Variants in ERI3 observed in about 807,000 individuals in gnomAD.
ERI3 encodes the protein ERI1 exoribonuclease family member 3, also known as ERI1 exoribonuclease 3.
ERI3 carries 18 observed loss-of-function variants against 44.4 expected under a neutral mutation model. The observed-to-expected ratio is 0.41, with a 90% confidence interval of 0.28 to 0.60. ERI3 has a LOEUF of 0.60. Among genes scored for constraint, ERI3 ranks in the 20% least tolerant of loss-of-function variants. The pLI, the probability that ERI3 is intolerant of heterozygous loss-of-function variation, is 0.36. For missense variants in ERI3, 294 were observed against 435.5 expected (o/e 0.68, Z 2.89); for synonymous variants, 183 against 164.8 (o/e 1.11, Z -0.84).
chr1:44,317,813 A>G (rs1463268818), intron 4 of ERI3, among the ~76,000 whole-genome samples: 8 of 152,142 alleles, frequency 5.3e-5, no homozygotes, highest in Admixed American at 3.9e-4. Context: ...GAAAAGACAG[A>G]CTGTAAGAGG....
rs1051689616 is a variant in ERI3 at position 44,228,369 on chromosome 1, G to A, written c.932-6729C>T. The stretch of plus-strand genomic sequence containing the variant: ...GGCGATTTCTCTCACCGTAATAAGC[G>A]CGCTCCAAATAATTAGCGTGTTTTA... On this transcript the variant is annotated intron_variant, in intron 8 of 8. Transcript: ENST00000372257. This position sits in a 1 kb window ranked among gnomAD's most constrained non-coding sequence, Gnocchi z 4.3. Among the ~76,000 whole-genome samples, 78 of 152,194 alleles carry A rather than the reference G, an allele frequency of 5.1e-4. No individual in the cohort carries two copies. The highest frequency in any genetic ancestry group is 3.2e-3 in the Middle Eastern group (1 of 316).
intron 1 of ERI3, chr1:44,353,127 T>G (rs1419804942): frequency 1.0e-6 from 1 of 985,326 alleles, no homozygotes; most frequent in African/African-American, 1.7e-5. Flanking sequence ...TCATATACTT[T>G]TGCTCCTAAG....
intron 8 of ERI3, among the ~76,000 whole-genome samples, chr1:44,227,523 C>T (rs1291340145): frequency 6.6e-6 from 1 of 152,100 alleles, no homozygotes; most frequent in Non-Finnish European, 1.5e-5. Context: ...TTAAATGCAG[C>T]CCCACCAGCT....
chr1:44,307,106 T>C (rs1295161248), intron 6 of ERI3, among the ~76,000 whole-genome samples: 1 of 152,190 alleles, frequency 6.6e-6, no homozygotes, highest in Non-Finnish European at 1.5e-5. Context: ...GGAGACCCTC[T>C]GGAGTAAACC....
chr1:44,354,811 A>G, intron 1 of ERI3, 81 bp downstream of exon 1: 4 of 1,304,450 alleles, frequency 3.1e-6, no homozygotes, highest in Non-Finnish European at 3.9e-6. Context: ...CCCAGGTTGC[A>G]TAAATTCTGC....
At chr1:44,352,571 G>C (rs1182401919) in intron 2 of ERI3, among the ~76,000 whole-genome samples, 7 of 152,304 alleles carry the variant, frequency 4.6e-5, no homozygotes, top group South Asian at 4.1e-4. Flanking sequence ...ACCTAAAGTA[G>C]GTGCTCATGA....
chr1:44,272,663 G>A (rs556168772), intron 7 of ERI3, among the ~76,000 whole-genome samples: 51 of 151,946 alleles, frequency 3.4e-4, no homozygotes, highest in African/African-American at 1.2e-3. Flanking sequence ...CCAACATGAC[G>A]AGACCCCATC....
intron 6 of ERI3, among the ~76,000 whole-genome samples, chr1:44,306,846 C>A (rs1036235260): frequency 6.6e-6 from 1 of 152,172 alleles, no homozygotes; most frequent in African/African-American, 2.4e-5. Flanking sequence ...TCCTCCTGGG[C>A]CATATGAACC....
chr1:44,340,287 TAAAAAGA>T (rs1646627266), intron 2 of ERI3, among the ~76,000 whole-genome samples: 1 of 152,122 alleles, frequency 6.6e-6, no homozygotes, highest in Non-Finnish European at 1.5e-5. Context: ...CAAACTTCCT[TAAAAAGA>T]AAAAAGGAAC....
chr1:44,249,053 T>A (rs1431517833), intron 7 of ERI3, among the ~76,000 whole-genome samples: 1 of 152,126 alleles, frequency 6.6e-6, no homozygotes, highest in Non-Finnish European at 1.5e-5. Flanking sequence ...ATAGGTTAGA[T>A]CACTATGAAG....
At position 44,318,401 on chromosome 1, in the gene ERI3, A is replaced by G. The variant is rs372244712; in HGVS notation, c.606+1227T>C. Among the ~76,000 whole-genome samples the G allele has an allele frequency of 1.8e-4, 27 of 152,316 alleles. 1 individual carries two copies. In the East Asian group the frequency reaches 3.3e-3, roughly 18 times the overall value. ...TCATCATTAAAATGGTGATTTTTCA[A>G]AAAGGGCAGAAAAGTCAGATTAGCG... On this transcript the variant is annotated intron_variant, in intron 4 of 8. Transcript: ENST00000372257.
At chr1:44,313,807 A>G (rs1248635091) in intron 4 of ERI3, among the ~76,000 whole-genome samples, 1 of 152,146 alleles carries the variant, frequency 6.6e-6, no homozygotes, top group Non-Finnish European at 1.5e-5. Context: ...TGGGCCATCA[A>G]TATGAACTAG....
intron 7 of ERI3, among the ~76,000 whole-genome samples, chr1:44,273,721 C>G (rs1377264675): frequency 6.6e-6 from 1 of 152,186 alleles, no homozygotes; most frequent in Non-Finnish European, 1.5e-5. Context: ...GAGGAAGTGA[C>G]TATTTCTACC....
chr1:44,296,917 C>G (rs1645623119), intron 6 of ERI3, among the ~76,000 whole-genome samples: 1 of 152,138 alleles, frequency 6.6e-6, no homozygotes, highest in South Asian at 2.1e-4. Flanking sequence ...GTGCCTCAGC[C>G]CCCACATGCA....
rs983807823 is a variant in ERI3, at chr1:44,235,059, G to GT, written c.931+12879dup. 6.6e-6 allele frequency among the ~76,000 whole-genome samples: 1 copy of GT among 152,200 alleles called. No homozygotes were observed. Among genetic ancestry groups the GT allele is most frequent in the African/African-American group, 2.4e-5 (1 of 41,448 alleles). The stretch of plus-strand genomic sequence containing the variant: ...ATGTAAAATTAATTCAAAGTAAAAA[G>GT]TTTAAGAGTCAAAAATTAAAACCAC... On this transcript the variant is annotated intron_variant, in intron 8 of 8. Transcript: ENST00000372257. This position sits in a 1 kb window ranked among gnomAD's most constrained non-coding sequence, Gnocchi z 4.6.
At chr1:44,324,985 G>A (rs1298828087) in intron 3 of ERI3, among the ~76,000 whole-genome samples, 2 of 151,842 alleles carry the variant, frequency 1.3e-5, no homozygotes, top group Non-Finnish European at 2.9e-5. Flanking sequence ...ATCTTTTGTT[G>A]AGGAGAGAGA....
intron 7 of ERI3, among the ~76,000 whole-genome samples, chr1:44,281,836 G>A (rs1645293904): frequency 6.7e-6 from 1 of 150,356 alleles, no homozygotes; most frequent in Admixed American, 6.6e-5. Context: ...TGGGCTGTAT[G>A]CATTCACATG....
intron 2 of ERI3, among the ~76,000 whole-genome samples, chr1:44,341,011 A>AGGACTTAG (rs1646641637): frequency 6.6e-6 from 1 of 152,218 alleles, no homozygotes; most frequent in Non-Finnish European, 1.5e-5. Flanking sequence ...AAGTCCCTCA[A>AGGACTTAG]GGACTTAGAC....
intron 6 of ERI3, among the ~76,000 whole-genome samples, chr1:44,305,751 G>C (rs1280190261): frequency 6.6e-6 from 1 of 152,210 alleles, no homozygotes; most frequent in Non-Finnish European, 1.5e-5. Context: ...CTGCTGAGGG[G>C]AGAAGGGGAG....
Sources: allele counts gnomAD v4.1 joint callset (sites outside exome capture counted in the v4.1 genomes callset), GRCh38; gene constraint gnomAD v4.1.1; non-coding constraint Gnocchi (gnomAD v3.1); transcripts MANE v1.5; gene names NCBI Gene and HGNC (gene_info 2026-07-23, HGNC 2026-07-21).